The following EPG5 variants were observed in gnomAD, a reference collection of about 807,000 sequenced individuals.
EPG5 encodes the protein ectopic P-granules 5 autophagy tethering factor, also known as ectopic P granules protein 5 homolog.
A neutral mutation model predicts 302.7 loss-of-function variants in EPG5; 159 were observed. The ratio of observed to expected loss-of-function variants is 0.53; its 90% confidence interval spans 0.46 to 0.60. EPG5 has a LOEUF of 0.60. EPG5 is among the 20% of genes least tolerant of loss of function. The probability of loss-of-function intolerance (pLI) is 0.00; values close to 1 mark genes in which losing one functional copy is unlikely to be tolerated. For missense variants in EPG5, 2,896 were observed against 3,092.4 expected, an observed-to-expected ratio of 0.94 and a Z score of 1.51; for synonymous variants, 1,158 against 1,136.8, an observed-to-expected ratio of 1.02 and a Z score of -0.37.
the EPG5 span, among the ~76,000 whole-genome samples, chr18:45,815,737 A>T: frequency 8.0e-3 from 1,221 of 152,314 alleles, 18 homozygotes; most frequent in African/African-American, 0.028. Context: ...TACAAATTCA[A>T]CACAATTCAC....
chr18:45,916,328 G>T (rs947639911), intron 18 of EPG5, 110 bp downstream of exon 18: 1 of 1,529,400 alleles, frequency 6.5e-7, no homozygotes, highest in African/African-American at 1.4e-5. Flanking sequence ...TTGGCCAAAA[G>T]CACACTAAGC....
intron 8 of EPG5, among the ~76,000 whole-genome samples, chr18:45,943,721 A>C (rs1205198107): frequency 6.6e-6 from 1 of 152,106 alleles, no homozygotes; most frequent in Non-Finnish European, 1.5e-5. Flanking sequence ...GGAGATGGAG[A>C]CCATCCTGGC....
intron 6 of EPG5, among the ~76,000 whole-genome samples, chr18:45,948,019 C>G (rs190959008): frequency 3.3e-4 from 51 of 152,254 alleles, no homozygotes; most frequent in African/African-American, 1.2e-3. Flanking sequence ...AGGTGATCCA[C>G]CTGCCTCGGC....
intron 35 of EPG5, among the ~76,000 whole-genome samples, chr18:45,871,938 A>T (rs893417902): frequency 1.3e-5 from 2 of 152,212 alleles, no homozygotes; most frequent in Non-Finnish European, 2.9e-5. Flanking sequence ...CCAACTTTAA[A>T]TGTCTCATCA....
intron 10 of EPG5, among the ~76,000 whole-genome samples, chr18:45,938,616 C>T (rs1416165140): frequency 6.6e-6 from 1 of 152,088 alleles, no homozygotes; most frequent in African/African-American, 2.4e-5. Context: ...TGAAACCACA[C>T]AAGAAAAACC....
At chr18:45,920,644 C>A (rs1184993870) in intron 16 of EPG5, among the ~76,000 whole-genome samples, 1 of 152,104 alleles carries the variant, frequency 6.6e-6, no homozygotes, top group Non-Finnish European at 1.5e-5. Context: ...CCAGGCTCTT[C>A]TTAACAACCA....
chr18:45,811,161 C>G, the EPG5 span, among the ~76,000 whole-genome samples: 707 of 152,206 alleles, frequency 4.6e-3, 7 homozygotes, highest in African/African-American at 0.016. Flanking sequence ...GAAGTCCTAG[C>G]CAGAGCAGTC....
chr18:45,904,180 T>C (rs1275092688), intron 24 of EPG5, 63 bp from the exon 25 acceptor site: 8 of 1,548,634 alleles, frequency 5.2e-6, no homozygotes, highest in Admixed American at 2.1e-5. Context: ...TATAAAACTA[T>C]GTATTTAACT....
chr18:45,887,603 A>G, intron 29 of EPG5, 148 bp downstream of exon 29: 1 of 536,768 alleles, frequency 1.9e-6, no homozygotes, highest in Non-Finnish European at 2.9e-6. Flanking sequence ...TCATATTTTG[A>G]GAAGCCTACA....
At chr18:45,826,516 G>A in the EPG5 span, among the ~76,000 whole-genome samples, 2 of 152,138 alleles carry the variant, frequency 1.3e-5, no homozygotes, top group African/African-American at 2.4e-5. Flanking sequence ...ACCTTCTTGG[G>A]TGATTCTGAC....
intron 27 of EPG5, among the ~76,000 whole-genome samples, chr18:45,895,962 T>C (rs2049461805): frequency 6.6e-6 from 1 of 152,250 alleles, no homozygotes; most frequent in Non-Finnish European, 1.5e-5. Flanking sequence ...GTACAATCTT[T>C]GGCCAAAAAT....
intron 19 of EPG5, 82 bp from the exon 20 acceptor site, chr18:45,915,703 T>A (rs543135162): frequency 1.2e-5 from 12 of 1,020,454 alleles, no homozygotes; most frequent in East Asian, 2.4e-5. Context: ...TCAGCAACTG[T>A]CTTACTACAA....
At chr18:45,857,107 A>G (rs1019322888) in intron 42 of EPG5, among the ~76,000 whole-genome samples, 5 of 151,364 alleles carry the variant, frequency 3.3e-5, no homozygotes, top group Admixed American at 1.3e-4. Context: ...GTGTTTATTT[A>G]TTTATTTATT....
At position 45,928,797 on chromosome 18, in the gene EPG5, T is replaced by C. The variant is rs1222545062; in HGVS notation, c.2553+72A>G. 7.6e-6 allele frequency: 11 copies of C among 1,439,528 alleles called. No homozygotes were observed. The East Asian group carries it at 2.5e-4, about 33-fold the overall frequency. The allele number at this position is 1,439,528 out of a possible 1,614,324, so 89.2% of individuals were successfully genotyped here. On this transcript the variant is annotated intron_variant, in intron 13 of 43. Coordinates refer to ENST00000282041, the MANE Select transcript of EPG5 (RefSeq NM_020964.3). ...AGTGACAAGATCATTCCCAAGAACC[T>C]TCCTATTTTTGCCAATGTTCCATTA...
intron 20 of EPG5, 87 bp from the exon 21 acceptor site, chr18:45,913,915 T>G: frequency 4.7e-5 from 70 of 1,499,788 alleles, no homozygotes; most frequent in Non-Finnish European, 5.6e-5. Flanking sequence ...TTTAAATCTC[T>G]TCCTATCTCA....
intron 38 of EPG5, 40 bp from the exon 39 acceptor site, chr18:45,865,799 A>C: frequency 6.3e-7 from 1 of 1,592,462 alleles, no homozygotes. Context: ...AAATGAATCC[A>C]AGCAAGGAGT....
At chr18:45,860,021 C>A in intron 40 of EPG5, 83 bp downstream of exon 40, 1 of 1,538,924 alleles carries the variant, frequency 6.5e-7, no homozygotes, top group Non-Finnish European at 8.9e-7. Context: ...TGGGAAGAGT[C>A]TGGAAACATA....
chr18:45,916,165 G>A lies in EPG5; in HGVS notation c.3426C>T (p.Pro1142=), dbSNP rs777286012. Residue 1142 remains proline (P), a synonymous_variant, in exon 19 of 44, where the codon CCC becomes CCT. Coordinates refer to ENST00000282041, the MANE Select transcript of EPG5 (RefSeq NM_020964.3). ...SVSTQPNEVG[P]VAVLEFWVQA... ...GAACCCAGAACTCCAACACAGCAACGGGGCCCACTTCATTGGGCTGAGTGC... is the reference window on the plus strand; with the variant it reads ...GAACCCAGAACTCCAACACAGCAACAGGGCCCACTTCATTGGGCTGAGTGC... 2.1e-5 allele frequency: 34 copies of A among 1,613,988 alleles called. No individual in the cohort carries two copies. In the East Asian group the frequency reaches 3.8e-4, roughly 18 times the overall value.
At chr18:45,897,108 C>A (rs2049496931) in intron 27 of EPG5, among the ~76,000 whole-genome samples, 1 of 152,144 alleles carries the variant, frequency 6.6e-6, no homozygotes, top group South Asian at 2.1e-4. Flanking sequence ...GGAAAAGAGA[C>A]AAGTCACAGG....
Sources: gnomAD v4.1 joint callset for allele counts (sites outside exome capture counted in the v4.1 genomes callset) on GRCh38, gnomAD v4.1.1 for gene constraint, MANE v1.5 for transcripts, NCBI Gene and HGNC (gene_info 2026-07-23, HGNC 2026-07-21) for gene names.